Variants in SHISA6 observed in about 807,000 individuals in gnomAD.
The protein encoded by SHISA6 is shisa family member 6, also known as protein shisa-6.
Under a neutral mutation model 47.9 loss-of-function variants are expected in SHISA6, and 22 were observed. The ratio of observed to expected loss-of-function variants is 0.46; its 90% CI spans 0.33 to 0.66. The LOEUF (loss-of-function observed/expected upper bound fraction) is 0.66. SHISA6 is among the 30% of genes least tolerant of loss of function. The pLI, the probability that SHISA6 is intolerant of heterozygous loss-of-function variation, is 0.02. For synonymous variants in SHISA6, 388 were observed against 337.8 expected (o/e 1.15, Z -1.63); for missense variants, 680 against 764.6 (o/e 0.89, Z 1.30).
chr17:11,317,040 G>A (rs1910548621), intron 2 of SHISA6, among the ~76,000 whole-genome samples: 1 of 151,964 alleles, frequency 6.6e-6, no homozygotes, highest in Non-Finnish European at 1.5e-5. Flanking sequence ...GAGGCTTATT[G>A]ATATTTTTTT....
chr17:11,451,675 G>A (rs912347170), intron 3 of SHISA6, among the ~76,000 whole-genome samples: 19 of 152,278 alleles, frequency 1.2e-4, no homozygotes, highest in African/African-American at 4.3e-4. Flanking sequence ...ACATCCCAGG[G>A]TGGGTATGCT....
At chr17:11,458,213 T>C (rs777194105) in intron 3 of SHISA6, among the ~76,000 whole-genome samples, 4 of 152,124 alleles carry the variant, frequency 2.6e-5, no homozygotes, top group Non-Finnish European at 4.4e-5. Flanking sequence ...TGGGTGATAA[T>C]GCAACTTCTT....
chr17:11,538,862 G>A (rs1182743036), intron 3 of SHISA6, among the ~76,000 whole-genome samples: 2 of 152,172 alleles, frequency 1.3e-5, no homozygotes, highest in Non-Finnish European at 2.9e-5. Context: ...CAATTCTGGA[G>A]TGTGGTGATC....
At chr17:11,274,773 G>A (rs1008683025) in intron 2 of SHISA6, among the ~76,000 whole-genome samples, 6 of 152,162 alleles carry the variant, frequency 3.9e-5, no homozygotes, top group Non-Finnish European at 5.9e-5. Context: ...GCAGAAAGAC[G>A]AGACAATACA....
chr17:11,461,601 T>A (rs1803778723), intron 3 of SHISA6, among the ~76,000 whole-genome samples: 2 of 151,092 alleles, frequency 1.3e-5, no homozygotes, highest in African/African-American at 4.9e-5. Context: ...TGGGTAAGAG[T>A]TTTATTGTGG....
chr17:11,310,529 G>A (rs1910285303), intron 2 of SHISA6, among the ~76,000 whole-genome samples: 1 of 152,136 alleles, frequency 6.6e-6, no homozygotes, highest in South Asian at 2.1e-4. Context: ...AACAGAAGGA[G>A]CATGAGGAGA....
At chr17:11,358,087 G>A (rs1912132877) in intron 2 of SHISA6, among the ~76,000 whole-genome samples, 4 of 152,108 alleles carry the variant, frequency 2.6e-5, no homozygotes, top group Admixed American at 2.6e-4. Context: ...TAAGTATACA[G>A]TTTACTGATG....
At chr17:11,243,219 G>C (rs1039164424) in intron 1 of SHISA6, among the ~76,000 whole-genome samples, 2 of 151,402 alleles carry the variant, frequency 1.3e-5, no homozygotes, top group African/African-American at 4.9e-5. Flanking sequence ...CGCCTTCCTC[G>C]CTGCTGTGCA....
chr17:11,314,066 A>G (rs1001847264), intron 2 of SHISA6, among the ~76,000 whole-genome samples: 1 of 152,138 alleles, frequency 6.6e-6, no homozygotes, highest in Non-Finnish European at 1.5e-5. Flanking sequence ...ATTCAAACTG[A>G]ACTCTGTGCT....
chr17:11,242,343 T>C (rs576341071), intron 1 of SHISA6, among the ~76,000 whole-genome samples: 2 of 152,370 alleles, frequency 1.3e-5, no homozygotes, highest in African/African-American at 4.8e-5. Context: ...ACAAATTCTG[T>C]AATCGTGGAT....
chr17:11,309,955 A>T (rs1910258967), intron 2 of SHISA6, among the ~76,000 whole-genome samples: 1 of 152,232 alleles, frequency 6.6e-6, no homozygotes. Context: ...CAGCATGAGG[A>T]CATCCAGCAC....
chr17:11,263,203 C>T (rs565181974), intron 1 of SHISA6, among the ~76,000 whole-genome samples, 163 bp from the exon 2 acceptor site: 1 of 152,158 alleles, frequency 6.6e-6, no homozygotes. Context: ...TGTGTCCCCC[C>T]TGAGACCAAC....
chr17:11,346,852 G>A (rs1036947929), intron 2 of SHISA6, among the ~76,000 whole-genome samples: 2 of 152,148 alleles, frequency 1.3e-5, no homozygotes, highest in Non-Finnish European at 2.9e-5. Flanking sequence ...TGTGTCCTAT[G>A]ATATTCAATA....
At chr17:11,297,260 A>G (rs540273460) in intron 2 of SHISA6, among the ~76,000 whole-genome samples, 1 of 152,238 alleles carries the variant, frequency 6.6e-6, no homozygotes, top group South Asian at 2.1e-4. Context: ...ATCCAAGAGA[A>G]GTTGAGTGTA....
At chr17:11,256,841 G>T (rs1477611824) in intron 1 of SHISA6, among the ~76,000 whole-genome samples, 2 of 152,166 alleles carry the variant, frequency 1.3e-5, no homozygotes, top group African/African-American at 4.8e-5. Context: ...GATTGAATTG[G>T]GCCCCCAGGG....
In SHISA6 at chr17:11,563,937, C is replaced by G. The variant is rs2072069127; in HGVS notation, c.*5633C>G. 1 of 152,178 alleles carries G rather than the reference C, an allele frequency of 6.6e-6. No homozygotes were observed. Among genetic ancestry groups the G allele is most frequent in the African/African-American group, 2.4e-5 (1 of 41,432 alleles). The allele number at this position is 152,178 out of a possible 1,614,324, so 9.4% of individuals were successfully genotyped here. On this transcript the variant is annotated 3_prime_UTR_variant, in exon 6 of 6. Transcript: ENST00000441885. ...TGTACAAATCTCATCGTTCTACTTA[C>G]CTGTCAAAGCACATTCTACATGTAC...
At chr17:11,291,336 AC>A (rs1909533509) in intron 2 of SHISA6, among the ~76,000 whole-genome samples, 1 of 151,656 alleles carries the variant, frequency 6.6e-6, no homozygotes, top group East Asian at 1.9e-4. Context: ...ATTGCCAGAG[AC>A]TGGGTGACTT....
chr17:11,341,665 G>T (rs960785211), intron 2 of SHISA6, among the ~76,000 whole-genome samples: 3 of 152,076 alleles, frequency 2.0e-5, no homozygotes, highest in Non-Finnish European at 4.4e-5. Flanking sequence ...AGAGAAGAGA[G>T]GCTCAGAGGA....
chr17:11,298,133 C>T (rs1164946953), intron 2 of SHISA6, among the ~76,000 whole-genome samples: 1 of 152,184 alleles, frequency 6.6e-6, no homozygotes, highest in African/African-American at 2.4e-5. Flanking sequence ...GATGAGGAAG[C>T]TGAAGCCAAG....
Sources: gnomAD v4.1 joint callset for allele counts (sites outside exome capture counted in the v4.1 genomes callset) on GRCh38, gnomAD v4.1.1 for gene constraint, MANE v1.5 for transcripts, NCBI Gene and HGNC (gene_info 2026-07-23, HGNC 2026-07-21) for gene names.